CNOT6: variants seen among roughly 807,000 people sequenced by gnomAD.
The protein encoded by CNOT6 is carbon catabolite repression 4 protein.
In CNOT6, 12 loss-of-function variants were observed where a neutral mutation model predicts 61.2. That is an observed-to-expected ratio of 0.20 (90% CI 0.13 to 0.32). CNOT6 has a LOEUF of 0.32. Among genes scored for constraint, CNOT6 ranks in the 10% least tolerant of loss-of-function variants. The pLI is 1.00. For missense variants in CNOT6, 405 were observed against 663.9 expected, an observed-to-expected ratio of 0.61 and a Z score of 4.28; for synonymous variants, 225 against 240.6, an observed-to-expected ratio of 0.94 and a Z score of 0.60.
chr5:180,527,917 C>T (rs1401917685), intron 1 of CNOT6, among the ~76,000 whole-genome samples: 6 of 152,116 alleles, frequency 3.9e-5, no homozygotes, highest in East Asian at 3.9e-4. Flanking sequence ...ACTGCGCATG[C>T]GAGGGACCTA....
intron 4 of CNOT6, among the ~76,000 whole-genome samples, chr5:180,560,676 T>C (rs1217556672): frequency 6.6e-6 from 1 of 152,190 alleles, no homozygotes; most frequent in Non-Finnish European, 1.5e-5. Flanking sequence ...TTTCAGAAGT[T>C]TAATTATGAT....
At chr5:180,541,972 C>T (rs1271111882) in intron 2 of CNOT6, among the ~76,000 whole-genome samples, 1 of 151,908 alleles carries the variant, frequency 6.6e-6, no homozygotes, top group Non-Finnish European at 1.5e-5. Context: ...CTTCTGCCTT[C>T]CTAGTAGCTG....
At chr5:180,551,526 CTG>C (rs1759602302) in intron 3 of CNOT6, among the ~76,000 whole-genome samples, 1 of 152,194 alleles carries the variant, frequency 6.6e-6, no homozygotes, top group Non-Finnish European at 1.5e-5. Flanking sequence ...GCATGAGCCA[CTG>C]TGGCTGGCCC....
intron 1 of CNOT6, among the ~76,000 whole-genome samples, chr5:180,507,115 T>G (rs944223260): frequency 9.2e-5 from 14 of 152,012 alleles, no homozygotes; most frequent in Non-Finnish European, 1.5e-4. Context: ...CTAGGGGCCT[T>G]TTGGTGTCTG....
Position 180,574,345 on chromosome 5 carries a change from A to C in CNOT6, c.*145A>C, listed in dbSNP as rs1472868163. The C allele has an allele frequency of 8.7e-6, 6 of 689,806 alleles. No individual in the cohort carries two copies. Among genetic ancestry groups the C allele is most frequent in the Non-Finnish European group, 1.5e-5 (6 of 404,038 alleles). 42.7% of individuals were successfully genotyped at this position (689,806 alleles called of 1,614,324 possible). A position where few individuals can be genotyped will look rare whatever the true frequency, so the allele number is the denominator to read the frequency against. On this transcript the variant is annotated 3_prime_UTR_variant, in exon 12 of 12. Coordinates refer to ENST00000261951, the MANE Select transcript of CNOT6 (RefSeq NM_001370472.1). ...TCTGATTATTTGATAAGGATATAGT[A>C]TGAAAGCCAGGTGCTAGCAACAGAC...
At chr5:180,513,294 A>AT (rs779013684) in intron 1 of CNOT6, among the ~76,000 whole-genome samples, 44 of 151,950 alleles carry the variant, frequency 2.9e-4, no homozygotes, top group Non-Finnish European at 3.8e-4. Flanking sequence ...GTCTCCAGCG[A>AT]TTTTCCCTCT....
intron 7 of CNOT6, among the ~76,000 whole-genome samples, chr5:180,566,522 G>A (rs1363691276): frequency 6.6e-6 from 1 of 152,010 alleles, no homozygotes; most frequent in Non-Finnish European, 1.5e-5. Flanking sequence ...ATGCATAGAA[G>A]TGTGTCTTTC....
rs546857624 is a variant in CNOT6 at position 180,535,173 on chromosome 5, A to G, written c.112+5785A>G. Among the ~76,000 whole-genome samples the G allele has an allele frequency of 4.0e-4, 61 of 152,394 alleles. No homozygotes were observed. In the South Asian group the frequency reaches 0.012, roughly 29 times the overall value. On this transcript the variant is annotated intron_variant, in intron 2 of 11. Transcript: ENST00000261951. ...TGCACACCCAGCCATCTGGCTAGGA[A>G]GGGGGCGTCTGGGGCAGAGGGAGTC...
At chr5:180,567,821 G>T (rs1380702822) in intron 8 of CNOT6, 28 bp from the exon 9 acceptor site, 1 of 1,612,126 alleles carries the variant, frequency 6.2e-7, no homozygotes, top group Non-Finnish European at 8.5e-7. Context: ...AACTCTGTGT[G>T]TGTGTGTGTG....
chr5:180,549,472 AC>A (rs1430088878), intron 2 of CNOT6, among the ~76,000 whole-genome samples: 4 of 152,042 alleles, frequency 2.6e-5, no homozygotes, highest in South Asian at 2.1e-4. Flanking sequence ...ACACCGTGAA[AC>A]CCCGTCTCTA....
chr5:180,514,023 T>G (rs1256656182), intron 1 of CNOT6, among the ~76,000 whole-genome samples: 1 of 151,918 alleles, frequency 6.6e-6, no homozygotes, highest in African/African-American at 2.4e-5. Flanking sequence ...TTTGTAGAGA[T>G]AGGGGTTTCC....
At chr5:180,533,361 G>A (rs13158492) in intron 2 of CNOT6, among the ~76,000 whole-genome samples, 3 of 141,134 alleles carry the variant, frequency 2.1e-5, no homozygotes, top group African/African-American at 8.0e-5. Context: ...ATACAACATA[G>A]GAAGGAAGAG....
chr5:180,496,271 A>G (rs1756609683), intron 1 of CNOT6, among the ~76,000 whole-genome samples: 2 of 152,168 alleles, frequency 1.3e-5, no homozygotes, highest in African/African-American at 4.8e-5. Flanking sequence ...ATATCTTTAG[A>G]TCTGTGATCT....
chr5:180,562,097 T>G (rs1381900666), intron 4 of CNOT6, among the ~76,000 whole-genome samples: 1 of 152,228 alleles, frequency 6.6e-6, no homozygotes, highest in Non-Finnish European at 1.5e-5. Flanking sequence ...TCCATGTTAC[T>G]GGCTTCTTAG....
intron 4 of CNOT6, among the ~76,000 whole-genome samples, chr5:180,555,728 C>A (rs1004857811): frequency 6.6e-6 from 1 of 152,162 alleles, no homozygotes; most frequent in African/African-American, 2.4e-5. Context: ...TCATTGATTT[C>A]TCCCGGCATC....
In CNOT6 at chr5:180,577,254, CT is replaced by C. The variant is rs1399800680; in HGVS notation, c.*3056del. On this transcript the variant is annotated 3_prime_UTR_variant, in exon 12 of 12. Transcript: ENST00000261951. ...ACTTGGGATTATTAGCACTTTCAAA[CT>C]TAGGGACATTATTAAATTGGATGGA... is the stretch of plus-strand genomic sequence containing the variant. 1 of 151,822 alleles carries C rather than the reference CT, an allele frequency of 6.6e-6. No individual in the cohort carries two copies. The highest frequency in any genetic ancestry group is 2.4e-5 in the African/African-American group (1 of 41,194). 9.4% of individuals were successfully genotyped at this position (151,822 alleles called of 1,614,324 possible). A position where few individuals can be genotyped will look rare whatever the true frequency, so the allele number is the denominator to read the frequency against.
At chr5:180,549,552 G>A (rs1002617189) in intron 2 of CNOT6, among the ~76,000 whole-genome samples, 1 of 152,082 alleles carries the variant, frequency 6.6e-6, no homozygotes, top group Non-Finnish European at 1.5e-5. Context: ...TGGAGGCTGA[G>A]GCAGGAGAAT....
At chr5:180,503,728 C>T (rs1756997568) in intron 1 of CNOT6, among the ~76,000 whole-genome samples, 2 of 151,532 alleles carry the variant, frequency 1.3e-5, no homozygotes, top group Admixed American at 1.3e-4. Flanking sequence ...GCCTCAGCCT[C>T]CCGAGTAGCT....
chr5:180,564,625 AG>A (rs781128351), intron 5 of CNOT6, 32 bp downstream of exon 5: 1 of 1,607,854 alleles, frequency 6.2e-7, no homozygotes, highest in Non-Finnish European at 8.5e-7. Context: ...CCTTTTTATT[AG>A]GAAGACGTGT....
Sources: gnomAD v4.1 joint callset for allele counts (sites outside exome capture counted in the v4.1 genomes callset) on GRCh38, gnomAD v4.1.1 for gene constraint, MANE v1.5 for transcripts, NCBI Gene and HGNC (gene_info 2026-07-23, HGNC 2026-07-21) for gene names.